ZNF318: variants seen among roughly 807,000 people sequenced by gnomAD.
ZNF318 encodes zinc finger protein 318.
Under a neutral mutation model 124.2 loss-of-function variants are expected in ZNF318, and 51 were observed. That is an observed-to-expected ratio of 0.41 (90% CI 0.33 to 0.52). The LOEUF is 0.52. ZNF318 is among the 20% of genes least tolerant of loss of function. The probability of loss-of-function intolerance (pLI) is 0.23; values close to 1 mark genes in which losing one functional copy is unlikely to be tolerated. For missense variants in ZNF318, 2,815 were observed against 2,811.2 expected (o/e 1.00, Z -0.03); for synonymous variants, 1,090 against 1,040.7 (o/e 1.05, Z -0.91).
In ZNF318 at chr6:43,342,774, ACT is replaced by A; in HGVS notation, c.3176_3177del (p.Glu1059ValfsTer3). ...CACCAGTGATTGCCAGCATCATAAT[ACT>A]CATAAGCAGCAGTGGGCTGATCCAA... is the stretch of plus-strand genomic sequence containing the variant. ...KQLDQPTAAY[E>X]YYDAGNHWCK... On this transcript the variant is annotated frameshift_variant, in exon 7 of 10. Transcript: ENST00000361428. LOFTEE classifies it high-confidence loss of function. 1 of 1,614,170 alleles carries A rather than the reference ACT, an allele frequency of 6.2e-7. No homozygotes were observed. Among genetic ancestry groups the A allele is most frequent in the Non-Finnish European group, 8.5e-7 (1 of 1,180,018 alleles).
At position 43,349,085 on chromosome 6, in the gene ZNF318, T is replaced by C. The variant is rs560273049; in HGVS notation, c.2771-460A>G. 3.3e-5 allele frequency among the ~76,000 whole-genome samples: 5 copies of C among 152,180 alleles called. No homozygotes were observed. In the East Asian group the frequency reaches 9.7e-4, roughly 29 times the overall value. ...AAGTGAGACTCTCCTTCCACATGGG[T>C]TGGTGTAAGTGAAGCTTCTATGAAG... On this transcript the variant is annotated intron_variant, in intron 5 of 9. Transcript: ENST00000361428.
chr6:43,357,846 C>T (rs1237982306), intron 2 of ZNF318, 81 bp from the exon 3 acceptor site: 5 of 1,303,064 alleles, frequency 3.8e-6, no homozygotes, highest in South Asian at 2.9e-5. Flanking sequence ...TGGTGTTTGT[C>T]AAGGGGGCTA....
chr6:43,350,473 G>T (rs1285571457), intron 5 of ZNF318, among the ~76,000 whole-genome samples: 1 of 152,190 alleles, frequency 6.6e-6, no homozygotes, highest in Non-Finnish European at 1.5e-5. Context: ...GGGTTAGGAA[G>T]TTCCCTCTTA....
chr6:43,359,915 A>G (rs1293684397), intron 2 of ZNF318, among the ~76,000 whole-genome samples: 1 of 152,230 alleles, frequency 6.6e-6, no homozygotes, highest in Non-Finnish European at 1.5e-5. Context: ...GATTTCTGAA[A>G]TCAAACTGAG....
chr6:43,364,229 C>T, intron 2 of ZNF318: 1 of 656,294 alleles, frequency 1.5e-6, no homozygotes, highest in Admixed American at 2.4e-5. Flanking sequence ...CACTGACCAC[C>T]TCATCAAGAC....
In ZNF318 at chr6:43,357,195, T is replaced by C. The variant is rs760860582; in HGVS notation, c.1119A>G (p.Val373=). The change falls in exon 3 of 10, where the codon GTA becomes GTG. Residue 373 remains valine (V), a synonymous_variant. Transcript: ENST00000361428. Reference sequence around the variant, plus strand: ...AAATGGATTTCTTGGGCATCACAGATACTTCCTCAGGCCGATGCAAAGAAT... The same window carrying C: ...AAATGGATTTCTTGGGCATCACAGACACTTCCTCAGGCCGATGCAAAGAAT... ...PGYSLHRPEE[V]SVMPKKSILK... The C allele has an allele frequency of 1.1e-5, 18 of 1,614,062 alleles. No homozygotes were observed. The highest frequency in any genetic ancestry group is 1.5e-5 in the Non-Finnish European group (18 of 1,180,038).
At position 43,340,780 on chromosome 6, in the gene ZNF318, A is replaced by C. The variant is rs758382363; in HGVS notation, c.3495+10T>G. On this transcript the variant is annotated intron_variant, in intron 9 of 9. Coordinates refer to ENST00000361428, the MANE Select transcript of ZNF318 (RefSeq NM_014345.3). ...AGTTGGAAACTCCACAGCCTACTAC[A>C]AAGACCAACCTTGTATTTCTCATTG... The C allele has an allele frequency of 2.5e-6, 4 of 1,607,654 alleles. No individual in the cohort carries two copies. Among genetic ancestry groups the C allele is most frequent in the Non-Finnish European group, 2.6e-6 (3 of 1,174,234 alleles).
chr6:43,336,974 T>G lies in ZNF318; in HGVS notation c.*184A>C. The G allele has an allele frequency of 2.3e-6, 1 of 427,536 alleles. No individual in the cohort carries two copies. The highest frequency in any genetic ancestry group is 3.6e-5 in the East Asian group (1 of 27,958). 26.5% of individuals were successfully genotyped at this position (427,536 alleles called of 1,614,324 possible). A position where few individuals can be genotyped will look rare whatever the true frequency, so the allele number is the denominator to read the frequency against. On this transcript the variant is annotated 3_prime_UTR_variant, in exon 10 of 10. Coordinates refer to ENST00000361428, the MANE Select transcript of ZNF318 (RefSeq NM_014345.3). ...AAGTTGTTATCGATTTGTCTGGTGT[T>G]TTAAGGGGAAAGGGAAAAGGAAAGG...
At chr6:43,353,567 G>C (rs1370247697) in intron 4 of ZNF318, among the ~76,000 whole-genome samples, 1 of 151,962 alleles carries the variant, frequency 6.6e-6, no homozygotes, top group Non-Finnish European at 1.5e-5. Context: ...GTAGAGACAG[G>C]GTTTCACCGT....
chr6:43,345,244 T>C (rs1470277285), intron 6 of ZNF318, among the ~76,000 whole-genome samples: 1 of 35,488 alleles, frequency 2.8e-5, no homozygotes, highest in East Asian at 1.2e-3. Flanking sequence ...AGACCCTGTC[T>C]CAAAAAAAAA....
chr6:43,361,764 G>A (rs1172602667), intron 2 of ZNF318, among the ~76,000 whole-genome samples: 5 of 152,086 alleles, frequency 3.3e-5, no homozygotes, highest in Admixed American at 3.3e-4. Context: ...CTAAGGTGAA[G>A]ACACTAAAAC....
rs750255881 is a variant in ZNF318 at position 43,355,545 on chromosome 6, T to C, written c.1789A>G (p.Lys597Glu). The C allele has an allele frequency of 1.9e-5, 31 of 1,614,114 alleles. No homozygotes were observed. The South Asian group carries it at 2.4e-4, about 13-fold the overall frequency. ...ACTCCAATATCCAGCCCTATTGTCT[T>C]GAGCAAGTCATGGATCTTCGCATAT... ...PEYAKIHDLLKTIGLDIGVAE... is the reference protein window; with the variant it reads ...PEYAKIHDLLETIGLDIGVAE... The change falls in exon 4 of 10, where the codon AAG becomes GAG. Residue 597 changes from lysine (K) to glutamate (E), a missense_variant. Coordinates refer to ENST00000361428, the MANE Select transcript of ZNF318 (RefSeq NM_014345.3).
intron 5 of ZNF318, among the ~76,000 whole-genome samples, chr6:43,349,582 C>T (rs1779499116): frequency 6.6e-6 from 1 of 152,072 alleles, no homozygotes; most frequent in African/African-American, 2.4e-5. Context: ...TTAATCCTCA[C>T]AGGATAAATA....
At chr6:43,342,259 A>G (rs1409541474) in intron 7 of ZNF318, 48 bp from the exon 8 acceptor site, 1 of 1,452,962 alleles carries the variant, frequency 6.9e-7, no homozygotes, top group Non-Finnish European at 9.4e-7. Context: ...TAAAAGCTCA[A>G]TGACCCACTT....
In ZNF318 at chr6:43,351,350, T is replaced by C. The variant is rs1396346659; in HGVS notation, c.2770+1027A>G. ...AATGGTAGACTGGATAATAGTACTG[T>C]ATCACTGCTAATATCCTAATTTTGA... On this transcript the variant is annotated intron_variant, in intron 5 of 9. Transcript: ENST00000361428. Among the ~76,000 whole-genome samples the C allele has an allele frequency of 4.6e-5, 7 of 152,362 alleles. No homozygotes were observed. In the East Asian group the frequency reaches 1.4e-3, roughly 29 times the overall value.
intron 5 of ZNF318, among the ~76,000 whole-genome samples, chr6:43,351,238 G>C (rs1188109942): frequency 2.0e-5 from 3 of 152,156 alleles, no homozygotes; most frequent in Non-Finnish European, 4.4e-5. Context: ...GAAGAGTACA[G>C]GAACGTGAAA....
chr6:43,351,224 TAAAGA>T (rs1779519931), intron 5 of ZNF318, among the ~76,000 whole-genome samples: 1 of 152,218 alleles, frequency 6.6e-6, no homozygotes, highest in Non-Finnish European at 1.5e-5. Flanking sequence ...ACACTCAGAT[TAAAGA>T]AGAGTACAGG....
rs1779578171 is a variant in ZNF318, at chr6:43,354,674, T to C, written c.2660A>G (p.Gln887Arg). Residue 887 changes from glutamine (Q) to arginine (R), a missense_variant, in exon 4 of 10, where the codon CAG (glutamine) becomes CGG (arginine). Physicochemically the swap from Gln to Arg is conservative, Grantham distance 43. Transcript: ENST00000361428. ...AAAGCTAATATTCACCTTTTGCTTC[T>C]GGGAAGCACGGTTCTTCTCATCAGA... is the stretch of plus-strand genomic sequence containing the variant. Reference protein sequence around the residue: ...KISDEKNRASQKQKVIEEREK... With the variant: ...KISDEKNRASRKQKVIEEREK... 1 of 1,599,264 alleles carries C rather than the reference T, an allele frequency of 6.3e-7. No homozygotes were observed. Among genetic ancestry groups the C allele is most frequent in the Non-Finnish European group, 8.5e-7 (1 of 1,170,830 alleles).
intron 1 of ZNF318, among the ~76,000 whole-genome samples, chr6:43,366,770 C>T (rs978081666): frequency 2.6e-5 from 4 of 152,194 alleles, no homozygotes; most frequent in Non-Finnish European, 5.9e-5. Flanking sequence ...CACACCACTA[C>T]ACTCAAGCCC....
Sources: gnomAD v4.1 joint callset for allele counts (sites outside exome capture counted in the v4.1 genomes callset) on GRCh38, gnomAD v4.1.1 for gene constraint, MANE v1.5 for transcripts, NCBI Gene and HGNC (gene_info 2026-07-23, HGNC 2026-07-21) for gene names.